Variants in SPATA6L observed in about 807,000 individuals in gnomAD.
The protein encoded by SPATA6L is spermatogenesis associated 6 like.
SPATA6L carries 68 observed loss-of-function variants against 49.2 expected under a neutral mutation model. The observed-to-expected ratio is 1.38, with a 90% CI of 1.14 to 1.69. The LOEUF (loss-of-function observed/expected upper bound fraction) is 1.69. Ranked by LOEUF, SPATA6L falls within the 40% of genes most tolerant of loss-of-function variation. SPATA6L has a pLI of 0.00. For synonymous variants in SPATA6L, 198 were observed against 165.7 expected (o/e 1.19, Z -1.50); for missense variants, 668 against 464.3 (o/e 1.44, Z -4.03).
chr9:4,618,187 C>G (rs1828457290), intron 8 of SPATA6L, 77 bp from the exon 9 acceptor site: 1 of 1,301,788 alleles, frequency 7.7e-7, no homozygotes, highest in Non-Finnish European at 1.1e-6. Flanking sequence ...GGGGGTTGGA[C>G]AAGGAAGATA....
intron 9 of SPATA6L, among the ~76,000 whole-genome samples, chr9:4,609,327 G>A (rs951952956): frequency 5.3e-5 from 8 of 151,886 alleles, no homozygotes; most frequent in African/African-American, 1.7e-4. Context: ...ACCAAAGCCT[G>A]GCAGAGACAC....
intron 6 of SPATA6L, among the ~76,000 whole-genome samples, chr9:4,623,108 C>T (rs370655341): frequency 7.9e-5 from 12 of 152,132 alleles, no homozygotes; most frequent in East Asian, 7.7e-4. Context: ...GGAGAAACCC[C>T]GTCTCTACTA....
At position 4,653,547 on chromosome 9, in the gene SPATA6L, C is replaced by T. The variant is rs376828832; in HGVS notation, c.226+2494G>A. Among the ~76,000 whole-genome samples, 4 of 152,170 alleles carry T rather than the reference C, an allele frequency of 2.6e-5. No individual in the cohort carries two copies. The East Asian group carries it at 7.7e-4, about 29-fold the overall frequency. ...AAAACTTTTGCATTTCAAAAAAATA[C>T]CATCAAGAAAGTGAAAGACAATTCT... On this transcript the variant is annotated intron_variant, in intron 3 of 11. Coordinates refer to ENST00000682582, the MANE Select transcript of SPATA6L (RefSeq NM_001353486.2).
At chr9:4,634,976 T>C (rs879709436) in intron 4 of SPATA6L, among the ~76,000 whole-genome samples, 6 of 152,228 alleles carry the variant, frequency 3.9e-5, no homozygotes, top group Admixed American at 6.5e-5. Flanking sequence ...TTAGTCATAA[T>C]AGCTATAACT....
chr9:4,652,075 A>G (rs1180532688), intron 3 of SPATA6L, among the ~76,000 whole-genome samples: 2 of 152,248 alleles, frequency 1.3e-5, no homozygotes, highest in Non-Finnish European at 2.9e-5. Flanking sequence ...AAAAACTACT[A>G]AAACTAATAA....
chr9:4,651,723 T>C (rs1250779563), intron 3 of SPATA6L, among the ~76,000 whole-genome samples: 1 of 152,156 alleles, frequency 6.6e-6, no homozygotes, highest in Admixed American at 6.5e-5. Flanking sequence ...TCAATAGATG[T>C]AGAAAAGGCG....
chr9:4,654,281 T>A (rs572452525), intron 3 of SPATA6L, among the ~76,000 whole-genome samples: 1 of 152,284 alleles, frequency 6.6e-6, no homozygotes, highest in South Asian at 2.1e-4. Flanking sequence ...CACATTGAAA[T>A]GGGAAAAGCT....
At chr9:4,646,412 T>A (rs1274969272) in intron 3 of SPATA6L, 9 of 951,082 alleles carry the variant, frequency 9.5e-6, no homozygotes, top group Non-Finnish European at 1.4e-5. Context: ...TTAAGTACAG[T>A]CCCCATTTTG....
intron 1 of SPATA6L, chr9:4,663,289 G>C (rs1325949001): frequency 6.3e-7 from 1 of 1,599,076 alleles, no homozygotes; most frequent in East Asian, 2.2e-5. Flanking sequence ...TATGGCACCA[G>C]GAAGTCTGAA....
chr9:4,649,479 G>A (rs949501635), intron 3 of SPATA6L, among the ~76,000 whole-genome samples: 7 of 152,102 alleles, frequency 4.6e-5, no homozygotes, highest in African/African-American at 1.7e-4. Flanking sequence ...CAATGCAATG[G>A]CTATCCTCAT....
At chr9:4,655,881 A>C (rs1838037055) in intron 3 of SPATA6L, among the ~76,000 whole-genome samples, 160 bp downstream of exon 3, 1 of 152,186 alleles carries the variant, frequency 6.6e-6, no homozygotes, top group Non-Finnish European at 1.5e-5. Context: ...AAGGGTATGT[A>C]ACAGAATCAA....
At chr9:4,651,318 C>G (rs1197516247) in intron 3 of SPATA6L, among the ~76,000 whole-genome samples, 1 of 152,120 alleles carries the variant, frequency 6.6e-6, no homozygotes, top group Non-Finnish European at 1.5e-5. Flanking sequence ...CAAGAAGAAA[C>G]AGAAAATCTG....
At chr9:4,607,360 A>C (rs895266976) in intron 9 of SPATA6L, among the ~76,000 whole-genome samples, 5 of 152,102 alleles carry the variant, frequency 3.3e-5, no homozygotes, top group East Asian at 1.9e-4. Flanking sequence ...ACCAAAGTTG[A>C]AATGAAGGAA....
At chr9:4,613,573 C>T (rs1650738418) in intron 9 of SPATA6L, among the ~76,000 whole-genome samples, 1 of 152,218 alleles carries the variant, frequency 6.6e-6, no homozygotes, top group East Asian at 1.9e-4. Flanking sequence ...AACATTATTT[C>T]TATTCTTCTC....
rs1374328203 is a variant in SPATA6L at position 4,666,343 on chromosome 9, C to T, written c.-93G>A. 3.0e-6 allele frequency: 4 copies of T among 1,343,548 alleles called. No homozygotes were observed. The East Asian group carries it at 9.3e-5, about 31-fold the overall frequency. 83.2% of individuals were successfully genotyped at this position (1,343,548 alleles called of 1,614,324 possible). On this transcript the variant is annotated 5_prime_UTR_variant, in exon 1 of 12. Transcript: ENST00000682582. ...TCTTAGTTTAGCTGAATACCTAGAG[C>T]AAATGTTCCCAGAAGCTTCCCCAGT...
downstream of SPATA6L, among the ~76,000 whole-genome samples, chr9:4,596,124 A>G (rs1182024988): frequency 6.6e-6 from 1 of 152,180 alleles, no homozygotes; most frequent in Non-Finnish European, 1.5e-5. Flanking sequence ...CACTTGAAAT[A>G]TCTCGTTTAA....
At chr9:4,635,539 G>C (rs754305338) in intron 3 of SPATA6L, 140 bp from the exon 4 acceptor site, 74 of 755,710 alleles carry the variant, frequency 9.8e-5, no homozygotes, top group African/African-American at 1.9e-5. Flanking sequence ...TATTCAAGAG[G>C]AGACTAATTT....
intron 9 of SPATA6L, among the ~76,000 whole-genome samples, chr9:4,616,007 G>A (rs3780405): frequency 0.17 from 26,005 of 152,110 alleles, 3,014 homozygotes; most frequent in African/African-American, 0.31. Context: ...AGCCAGGCAC[G>A]GTGGCTCATG....
At chr9:4,645,140 A>G (rs958725503) in intron 3 of SPATA6L, among the ~76,000 whole-genome samples, 9 of 152,216 alleles carry the variant, frequency 5.9e-5, no homozygotes, top group Non-Finnish European at 1.0e-4. Flanking sequence ...ATTTCCAACC[A>G]TTTAAAAATG....
Sources: allele counts gnomAD v4.1 joint callset (sites outside exome capture counted in the v4.1 genomes callset), GRCh38; gene constraint gnomAD v4.1.1; transcripts MANE v1.5; gene names NCBI Gene and HGNC (gene_info 2026-07-23, HGNC 2026-07-21).